The following SLC2A5 variants were observed in gnomAD, a reference collection of about 807,000 sequenced individuals.
SLC2A5 encodes the protein solute carrier family 2, facilitated glucose transporter member 5.
In SLC2A5, 56 loss-of-function variants were observed where a neutral mutation model predicts 50.3. The observed-to-expected ratio is 1.11, with a 90% CI of 0.90 to 1.39. The LOEUF (loss-of-function observed/expected upper bound fraction) is 1.39, where lower values mean the gene tolerates loss of function less well. Ranked by LOEUF, SLC2A5 falls within the 40% of genes most tolerant of loss-of-function variation. The probability of loss-of-function intolerance (pLI) is 0.00; values close to 1 mark genes in which losing one functional copy is unlikely to be tolerated. For synonymous variants in SLC2A5, 269 were observed against 281.9 expected, an observed-to-expected ratio of 0.95 and a Z score of 0.46; for missense variants, 566 against 650.1, an observed-to-expected ratio of 0.87 and a Z score of 1.41.
chr1:9,089,076 C>T (rs745472300), upstream of SLC2A5, among the ~76,000 whole-genome samples: 16 of 152,180 alleles, frequency 1.1e-4, no homozygotes, highest in Admixed American at 1.0e-3. Flanking sequence ...ATCTGGTGTT[C>T]AGCTGAAACA....
At position 9,058,223 on chromosome 1, in the gene SLC2A5, T is replaced by C; in HGVS notation, c.61A>G (p.Thr21Ala). The change falls in exon 2 of 12, where the codon ACC (threonine) becomes GCC (alanine). Residue 21 changes from threonine (T) to alanine (A), a missense_variant. Transcript: ENST00000377424. ...GATGACCCAAAGGCAGCTATCAGGGTTGCCAGGGCAAGCACAAGCGTCAGC... is the reference window on the plus strand; with the variant it reads ...GATGACCCAAAGGCAGCTATCAGGGCTGCCAGGGCAAGCACAAGCGTCAGC... The part of the protein sequence containing the change: ...GRLTLVLALA[T>A]LIAAFGSSFQ... 6.2e-7 allele frequency: 1 copy of C among 1,613,962 alleles called. No individual in the cohort carries two copies.
At chr1:9,070,453 A>C (rs1161101087), upstream of SLC2A5, among the ~76,000 whole-genome samples, 1 of 152,076 alleles carries the variant, frequency 6.6e-6, no homozygotes, top group Non-Finnish European at 1.5e-5. Flanking sequence ...ACTACTGGGA[A>C]GGTGGTAAAT....
At chr1:9,068,978 A>T (rs1642155373) in intron 1 of SLC2A5, among the ~76,000 whole-genome samples, 1 of 152,210 alleles carries the variant, frequency 6.6e-6, no homozygotes, top group Admixed American at 6.5e-5. Context: ...GGAGTCCATG[A>T]AAATCTTTCC....
At chr1:9,065,977 C>T (rs1642070978) in intron 1 of SLC2A5, among the ~76,000 whole-genome samples, 1 of 152,096 alleles carries the variant, frequency 6.6e-6, no homozygotes, top group African/African-American at 2.4e-5. Context: ...ATAATGATAC[C>T]ACCACAGGAA....
intron 1 of SLC2A5, among the ~76,000 whole-genome samples, chr1:9,066,528 C>A (rs1006909146): frequency 6.6e-6 from 1 of 152,222 alleles, no homozygotes; most frequent in Admixed American, 6.5e-5. Context: ...AGCCACTGCA[C>A]CTGGCCCTCA....
intron 1 of SLC2A5, among the ~76,000 whole-genome samples, chr1:9,059,193 AGT>A (rs1450639364): frequency 1.7e-5 from 2 of 114,294 alleles, no homozygotes; most frequent in African/African-American, 6.9e-5. Context: ...CCCAGGCTGG[AGT>A]GCAGTGGCGC....
At chr1:9,077,066 C>CA (rs1290602027) in intron 2 of SLC2A5, among the ~76,000 whole-genome samples, 1 of 150,080 alleles carries the variant, frequency 6.7e-6, no homozygotes, top group African/African-American at 2.4e-5. Context: ...GGATTATAGG[C>CA]ATGAGCCACC....
chr1:9,069,525 C>T lies in SLC2A5; in HGVS notation c.12G>A (p.Gln4=). 1 of 1,614,136 alleles carries T rather than the reference C, an allele frequency of 6.2e-7. No homozygotes were observed. The highest frequency in any genetic ancestry group is 1.1e-5 in the South Asian group (1 of 91,066). Residue 4 remains glutamine, a synonymous_variant, in exon 1 of 12, where the codon CAG becomes CAA. Coordinates refer to ENST00000377424, the MANE Select transcript of SLC2A5 (RefSeq NM_003039.3). ...TCACCCCTTCCTTCATGCTCTGATC[C>T]TGTTGCTCCATGCTTGCTCTGGAAG... is the stretch of plus-strand genomic sequence containing the variant. MEQ[Q]DQSMKEGRLT...
chr1:9,084,711 T>C (rs902571434), intron 2 of SLC2A5, among the ~76,000 whole-genome samples: 11 of 152,294 alleles, frequency 7.2e-5, no homozygotes, highest in Middle Eastern at 3.4e-3. Context: ...AGCAGCCCTA[T>C]GGGGGCAGCC....
intron 2 of SLC2A5, among the ~76,000 whole-genome samples, chr1:9,075,371 T>A (rs1642271518): frequency 6.6e-6 from 1 of 152,112 alleles, no homozygotes; most frequent in African/African-American, 2.4e-5. Context: ...CCAAGAGCCA[T>A]CCTATAAAAT....
the SLC2A5 span, among the ~76,000 whole-genome samples, chr1:9,093,769 T>G: frequency 6.6e-6 from 1 of 152,220 alleles, no homozygotes; most frequent in East Asian, 1.9e-4. Flanking sequence ...GTTCCTTTTT[T>G]TCGGAGACCT....
the SLC2A5 span, among the ~76,000 whole-genome samples, chr1:9,093,849 G>A: frequency 6.6e-6 from 1 of 152,086 alleles, no homozygotes; most frequent in Non-Finnish European, 1.5e-5. Context: ...CTTTTAACAG[G>A]AAACATAACC....
At position 9,036,713 on chromosome 1, in the gene SLC2A5, C is replaced by A. The variant is rs911841680; in HGVS notation, c.*873G>T. The A allele has an allele frequency of 3.9e-5, 6 of 152,108 alleles. No individual in the cohort carries two copies. The highest frequency in any genetic ancestry group is 1.5e-4 in the African/African-American group (6 of 41,368). The allele number at this position is 152,108 out of a possible 1,614,324, so 9.4% of individuals were successfully genotyped here. A position where few individuals can be genotyped will look rare whatever the true frequency, so the allele number is the denominator to read the frequency against. ...AAAGTTAGCCGGGCGTGGTGGCAGGCGCCTGTAGTCCCAGCTACTCAGGAG... is the reference window on the plus strand; with the variant it reads ...AAAGTTAGCCGGGCGTGGTGGCAGGAGCCTGTAGTCCCAGCTACTCAGGAG... On this transcript the variant is annotated 3_prime_UTR_variant, in exon 12 of 12. Transcript: ENST00000377424.
chr1:9,074,021 A>G (rs1190956763), upstream of SLC2A5, among the ~76,000 whole-genome samples: 1 of 152,092 alleles, frequency 6.6e-6, no homozygotes, highest in Non-Finnish European at 1.5e-5. Context: ...TGGAGGTTGC[A>G]GTGGGCTGAG....
intron 3 of SLC2A5, among the ~76,000 whole-genome samples, chr1:9,048,740 C>T (rs12090327): frequency 0.023 from 3,501 of 152,020 alleles, 148 homozygotes; most frequent in African/African-American, 0.08. Context: ...ACTGTAACCT[C>T]GGTCTGCCAG....
At chr1:9,041,613 A>C (rs112873313) in intron 5 of SLC2A5, 172 bp downstream of exon 5, 702 of 1,464,976 alleles carry the variant, frequency 4.8e-4, no homozygotes, top group Non-Finnish European at 5.7e-4. Flanking sequence ...GCCTTTGTCC[A>C]TGGCCTGCTA....
intron 1 of SLC2A5, among the ~76,000 whole-genome samples, chr1:9,061,724 G>A (rs1365016347): frequency 6.6e-6 from 1 of 152,142 alleles, no homozygotes; most frequent in African/African-American, 2.4e-5. Flanking sequence ...GTGCCCTAAG[G>A]TTTGAAGTCC....
intron 3 of SLC2A5, chr1:9,049,281 C>T: frequency 2.3e-6 from 1 of 436,960 alleles, no homozygotes; most frequent in Non-Finnish European, 4.6e-6. Context: ...CTTCAGACAA[C>T]AGAATCAGAC....
At chr1:9,045,323 A>T (rs74053918) in intron 4 of SLC2A5, among the ~76,000 whole-genome samples, 1 of 152,226 alleles carries the variant, frequency 6.6e-6, no homozygotes, top group Admixed American at 6.5e-5. Context: ...TGTAACCCAC[A>T]TGAGCAAAAG....
Sources: gnomAD v4.1 joint callset for allele counts (sites outside exome capture counted in the v4.1 genomes callset) on GRCh38, gnomAD v4.1.1 for gene constraint, MANE v1.5 for transcripts, NCBI Gene and HGNC (gene_info 2026-07-23, HGNC 2026-07-21) for gene names.